The following CLIP2 variants were observed in gnomAD, a reference collection of about 807,000 sequenced individuals.
The protein encoded by CLIP2 is CAP-Gly domain containing linker protein 2, also known as CAP-Gly domain-containing linker protein 2.
In CLIP2, 41 loss-of-function variants were observed where a neutral mutation model predicts 111.7. The ratio of observed to expected loss-of-function variants is 0.37; its 90% CI spans 0.29 to 0.48. CLIP2 has a LOEUF of 0.48. Ranked by LOEUF, CLIP2 falls within the 20% of genes least tolerant of loss-of-function variation. The pLI, the probability that CLIP2 is intolerant of heterozygous loss-of-function variation, is 0.99. For synonymous variants in CLIP2, 660 were observed against 644.2 expected (o/e 1.02, Z -0.37); for missense variants, 1,160 against 1,422.1 (o/e 0.82, Z 2.96).
rs782313011 is a variant in CLIP2 at position 74,321,701 on chromosome 7, CT to C, written c.121+4036del. Among the ~76,000 whole-genome samples, 4 of 151,934 alleles carry C rather than the reference CT, an allele frequency of 2.6e-5. No homozygotes were observed. In the East Asian group the frequency reaches 5.8e-4, roughly 22 times the overall value. Reference sequence around the variant, plus strand: ...GCCAGGCTGGTCTTGAACTCCTGGCCTTGTGATCCCCCCGCCTTGGCCCCCC... The same window carrying C: ...GCCAGGCTGGTCTTGAACTCCTGGCCTGTGATCCCCCCGCCTTGGCCCCCC... On this transcript the variant is annotated intron_variant, in intron 2 of 16. Transcript: ENST00000223398.
At chr7:74,322,477 G>C (rs1463427152) in intron 2 of CLIP2, among the ~76,000 whole-genome samples, 1 of 151,896 alleles carries the variant, frequency 6.6e-6, no homozygotes, top group East Asian at 2.0e-4. Flanking sequence ...GCATGGTGGT[G>C]GATGCCTGTA....
chr7:74,360,410 C>T, intron 7 of CLIP2, 132 bp downstream of exon 7: 1 of 623,128 alleles, frequency 1.6e-6, no homozygotes, highest in Non-Finnish European at 2.8e-6. Context: ...TCACCCTGGA[C>T]TGGTGACATT....
At chr7:74,310,089 G>T (rs1381182025) in intron 1 of CLIP2, among the ~76,000 whole-genome samples, 2 of 136,422 alleles carry the variant, frequency 1.5e-5, no homozygotes, top group African/African-American at 2.9e-5. Context: ...GTTCAGCCAG[G>T]CGTGATGGCG....
At chr7:74,380,710 T>G in intron 10 of CLIP2, 96 bp from the exon 11 acceptor site, 1 of 948,640 alleles carries the variant, frequency 1.1e-6, no homozygotes, top group Non-Finnish European at 1.6e-6. Flanking sequence ...TTTGTAGGAG[T>G]AGGGTGTGCA....
At chr7:74,371,398 C>T (rs1790615835) in intron 8 of CLIP2, among the ~76,000 whole-genome samples, 1 of 151,704 alleles carries the variant, frequency 6.6e-6, no homozygotes, top group South Asian at 2.1e-4. Context: ...ATGAGGGTTC[C>T]AGACAGGGCT....
chr7:74,295,862 G>A (rs1370608967), intron 1 of CLIP2, among the ~76,000 whole-genome samples: 1 of 151,482 alleles, frequency 6.6e-6, no homozygotes, highest in Non-Finnish European at 1.5e-5. Context: ...AAAATTAGCT[G>A]GGTGTGGTCC....
intron 7 of CLIP2, among the ~76,000 whole-genome samples, chr7:74,362,528 C>CTTTTTTTTTTTTTTTTTTTTTTT (rs3044338): frequency 4.9e-5 from 6 of 121,978 alleles, no homozygotes; most frequent in Non-Finnish European, 8.1e-5. Context: ...TTTTTCTTTT[C>CTTTTTTTTTTTTTTTTTTTTTTT]TTTTTTTTTT....
intron 1 of CLIP2, among the ~76,000 whole-genome samples, chr7:74,306,251 C>A (rs1184786511): frequency 6.6e-6 from 1 of 152,094 alleles, no homozygotes; most frequent in African/African-American, 2.4e-5. Flanking sequence ...CTGAGCCTAC[C>A]TCTGGGGCCT....
rs1384721086 is a variant in CLIP2 at position 74,400,539 on chromosome 7, G to A, written c.3050G>A (p.Cys1017Tyr). The A allele has an allele frequency of 1.3e-6, 2 of 1,587,366 alleles. No homozygotes were observed. Among genetic ancestry groups the A allele is most frequent in the Non-Finnish European group, 1.7e-6 (2 of 1,166,950 alleles). Reference sequence around the variant, plus strand: ...AAGCTGATGGAGGCCATGAGGAGCTGCCCTGACAAGGCCCAGGTGAGCCGC... The same window carrying A: ...AAGCTGATGGAGGCCATGAGGAGCTACCCTGACAAGGCCCAGGTGAGCCGC... ...VEKLMEAMRS[C>Y]PDKAQTIGNS... is the part of the protein sequence containing the mutation. The change falls in exon 15 of 17, where the codon TGC becomes TAC. Residue 1017 changes from cysteine to tyrosine, a missense_variant. By Grantham distance (194) the Cys-to-Tyr change is radical. Around this residue, in one of 5 missense-constraint regions of CLIP2, gnomAD observed 676 missense variants for 777.8 expected, o/e 0.87. Coordinates refer to ENST00000223398, the MANE Select transcript of CLIP2 (RefSeq NM_003388.5).
At chr7:74,357,104 G>A (rs1554308614) in intron 5 of CLIP2, among the ~76,000 whole-genome samples, 176 bp from the exon 6 acceptor site, 1 of 152,108 alleles carries the variant, frequency 6.6e-6, no homozygotes, top group African/African-American at 2.4e-5. Flanking sequence ...TTCCCCGCTG[G>A]GTGAGTCAGC....
At chr7:74,367,244 G>T (rs191146588) in intron 8 of CLIP2, among the ~76,000 whole-genome samples, 1,572 of 151,684 alleles carry the variant, frequency 0.01, 26 homozygotes, top group African/African-American at 0.036. Context: ...AGGCTGGAGT[G>T]CAGTGGCGCA....
intron 7 of CLIP2, among the ~76,000 whole-genome samples, chr7:74,363,375 G>T (rs370438087): frequency 3.3e-5 from 5 of 152,220 alleles, no homozygotes; most frequent in Non-Finnish European, 1.5e-5. Context: ...CTTGACAGGT[G>T]TGTGACAGAG....
chr7:74,329,815 T>C (rs1269044668), intron 2 of CLIP2, among the ~76,000 whole-genome samples: 1 of 152,108 alleles, frequency 6.6e-6, no homozygotes, highest in Non-Finnish European at 1.5e-5. Flanking sequence ...AGTCTTGCTC[T>C]GTGGCCCAGG....
chr7:74,305,909 G>A (rs1039107183), intron 1 of CLIP2, among the ~76,000 whole-genome samples: 2 of 126,998 alleles, frequency 1.6e-5, no homozygotes, highest in African/African-American at 3.2e-5. Flanking sequence ...CTCCCAGAGC[G>A]GTCTTGCTGG....
chr7:74,290,340 G>A (rs1787979140), intron 1 of CLIP2, among the ~76,000 whole-genome samples: 1 of 152,242 alleles, frequency 6.6e-6, no homozygotes, highest in Non-Finnish European at 1.5e-5. Flanking sequence ...GCTTCTCTCA[G>A]GGGGTGTCCC....
chr7:74,381,570 C>T (rs1790948738), intron 11 of CLIP2: 1 of 455,454 alleles, frequency 2.2e-6, no homozygotes, highest in African/African-American at 2.0e-5. Context: ...CTCTATTCTT[C>T]CCTCCCTGAA....
intron 1 of CLIP2, among the ~76,000 whole-genome samples, chr7:74,294,126 A>G (rs1788105282): frequency 6.6e-6 from 1 of 152,124 alleles, no homozygotes; most frequent in African/African-American, 2.4e-5. Flanking sequence ...CATGTTGGCC[A>G]GGCTGGTTTC....
chr7:74,322,729 G>T (rs1554730172), intron 2 of CLIP2, among the ~76,000 whole-genome samples: 1 of 152,010 alleles, frequency 6.6e-6, no homozygotes, highest in East Asian at 1.9e-4. Context: ...TTTGTTTTTT[G>T]CTGTTGTTGT....
chr7:74,325,724 T>A (rs1789089441), intron 2 of CLIP2, among the ~76,000 whole-genome samples: 1 of 151,294 alleles, frequency 6.6e-6, no homozygotes, highest in Non-Finnish European at 1.5e-5. Context: ...CCCAGGTACT[T>A]GGGAGGCTGA....
Sources: allele counts gnomAD v4.1 joint callset (sites outside exome capture counted in the v4.1 genomes callset), GRCh38; gene constraint gnomAD v4.1.1; regional missense constraint gnomAD v4.1.1; transcripts MANE v1.5; gene names NCBI Gene and HGNC (gene_info 2026-07-23, HGNC 2026-07-21).